PBX1: variants seen among roughly 807,000 people sequenced by gnomAD.
PBX1 encodes pre-B-cell leukemia transcription factor 1.
In PBX1, 6 loss-of-function variants were observed where a neutral mutation model predicts 53.4. The observed-to-expected ratio is 0.11, with a 90% CI of 0.06 to 0.22. The LOEUF (loss-of-function observed/expected upper bound fraction) is 0.22. Among genes scored for constraint, PBX1 ranks in the 10% least tolerant of loss-of-function variants. PBX1 has a pLI of 1.00. For missense variants in PBX1, 251 were observed against 551.4 expected (o/e 0.46, Z 5.46); for synonymous variants, 204 against 212.3 (o/e 0.96, Z 0.34).
intron 2 of PBX1, among the ~76,000 whole-genome samples, chr1:164,702,762 C>T (rs1346375427): frequency 1.3e-5 from 2 of 152,120 alleles, no homozygotes; most frequent in African/African-American, 4.8e-5. Flanking sequence ...CCAGGACCGT[C>T]CCTTCAGGTC....
intron 4 of PBX1, among the ~76,000 whole-genome samples, chr1:164,806,089 T>C (rs957318714): frequency 6.6e-6 from 1 of 152,182 alleles, no homozygotes; most frequent in African/African-American, 2.4e-5. Flanking sequence ...AAGGAAAAGC[T>C]TTTAATAAAA....
intron 8 of PBX1, among the ~76,000 whole-genome samples, chr1:164,836,294 A>G (rs1671035901): frequency 6.6e-6 from 1 of 152,174 alleles, no homozygotes; most frequent in Non-Finnish European, 1.5e-5. Context: ...AGCAGCACAC[A>G]TAAAGAAAGG....
intron 2 of PBX1, among the ~76,000 whole-genome samples, chr1:164,783,438 G>T (rs1191570615): frequency 6.6e-6 from 1 of 151,992 alleles, no homozygotes; most frequent in East Asian, 1.9e-4. Flanking sequence ...GTATATTCTT[G>T]GCTTATCCTG....
At chr1:164,743,961 C>G (rs1013699973) in intron 2 of PBX1, among the ~76,000 whole-genome samples, 1 of 152,150 alleles carries the variant, frequency 6.6e-6, no homozygotes, top group Non-Finnish European at 1.5e-5. Flanking sequence ...CTTGAATAAA[C>G]TGGAGTTCTG....
At chr1:164,862,676 A>G (rs1162872705) in intron 2 of PBX1, among the ~76,000 whole-genome samples, 4 of 152,024 alleles carry the variant, frequency 2.6e-5, no homozygotes, top group Admixed American at 6.6e-5. Flanking sequence ...ACACTGTTTA[A>G]TGTGTCATAG....
At chr1:164,692,825 G>T (rs530383469) in intron 2 of PBX1, among the ~76,000 whole-genome samples, 1 of 152,096 alleles carries the variant, frequency 6.6e-6, no homozygotes, top group Non-Finnish European at 1.5e-5. Context: ...CTTCACAGTC[G>T]CCCTTTAAAT....
At chr1:164,774,374 A>T (rs1179708784) in intron 2 of PBX1, 1 of 152,192 alleles carries the variant, frequency 6.6e-6, no homozygotes, top group Non-Finnish European at 1.5e-5. Context: ...GGAAACCCCC[A>T]TCTGGTTGGT....
chr1:164,805,153 T>C (rs1669285328), intron 4 of PBX1, among the ~76,000 whole-genome samples: 1 of 152,220 alleles, frequency 6.6e-6, no homozygotes, highest in African/African-American at 2.4e-5. Context: ...TAATATTTTA[T>C]CAGCTTCCAA....
At chr1:164,594,607 A>G (rs562473449) in intron 2 of PBX1, among the ~76,000 whole-genome samples, 19 of 152,382 alleles carry the variant, frequency 1.2e-4, no homozygotes, top group Admixed American at 1.2e-3. Flanking sequence ...AAATTTAAGT[A>G]GAAAATTTAA....
At chr1:164,764,699 C>T (rs773460423) in intron 2 of PBX1, among the ~76,000 whole-genome samples, 10 of 152,004 alleles carry the variant, frequency 6.6e-5, no homozygotes, top group Non-Finnish European at 1.2e-4. Flanking sequence ...AGTTATAGCC[C>T]ACCTACATGG....
chr1:164,864,435 T>G (rs1672169770), intron 2 of PBX1, among the ~76,000 whole-genome samples: 1 of 152,212 alleles, frequency 6.6e-6, no homozygotes, highest in African/African-American at 2.4e-5. Context: ...ACTGTGGCGC[T>G]CCAGGCTGCT....
chr1:164,856,206 C>T (rs1671971789), downstream of PBX1, among the ~76,000 whole-genome samples: 1 of 152,176 alleles, frequency 6.6e-6, no homozygotes, highest in South Asian at 2.1e-4. Flanking sequence ...AGCCTCCCTT[C>T]CTTCTGCCTT....
chr1:164,730,617 C>G (rs1221663817), intron 2 of PBX1, among the ~76,000 whole-genome samples: 1 of 152,166 alleles, frequency 6.6e-6, no homozygotes, highest in Non-Finnish European at 1.5e-5. Flanking sequence ...ATCTATGGCT[C>G]TCTCTGTTCT....
chr1:164,645,091 G>A (rs898805678), intron 2 of PBX1, among the ~76,000 whole-genome samples: 6 of 152,136 alleles, frequency 3.9e-5, no homozygotes, highest in African/African-American at 1.4e-4. Context: ...ATAAAGGAGT[G>A]GGAGGACTCT....
At chr1:164,804,886 G>T (rs1404390588) in intron 4 of PBX1, among the ~76,000 whole-genome samples, 5 of 152,158 alleles carry the variant, frequency 3.3e-5, no homozygotes, top group African/African-American at 9.7e-5. Context: ...GACTAACAAG[G>T]AAAATGGAGC....
chr1:164,635,959 G>GACT (rs1658748144), intron 2 of PBX1, among the ~76,000 whole-genome samples: 1 of 152,092 alleles, frequency 6.6e-6, no homozygotes, highest in African/African-American at 2.4e-5. Flanking sequence ...TTGGCTTCCT[G>GACT]TGCTGGATCA....
intron 2 of PBX1, chr1:164,772,811 A>C (rs955649628): frequency 6.6e-6 from 1 of 152,278 alleles, no homozygotes; most frequent in South Asian, 2.1e-4. Flanking sequence ...CTTAGCATTT[A>C]GGCTACCCTG....
chr1:164,627,886 C>T (rs1031671178), intron 2 of PBX1, among the ~76,000 whole-genome samples: 1 of 152,164 alleles, frequency 6.6e-6, no homozygotes, highest in Non-Finnish European at 1.5e-5. Context: ...AAGAAGGCCC[C>T]TGAATTTACC....
chr1:164,573,174 A>G (rs57926954), intron 2 of PBX1, among the ~76,000 whole-genome samples: 20,348 of 152,104 alleles, frequency 0.13, 1,977 homozygotes, highest in East Asian at 0.52. Context: ...TAACCCAAAT[A>G]TATCTAAAAA....
Sources: allele counts gnomAD v4.1 joint callset (sites outside exome capture counted in the v4.1 genomes callset), GRCh38; gene constraint gnomAD v4.1.1; transcripts MANE v1.5; gene names NCBI Gene and HGNC (gene_info 2026-07-23, HGNC 2026-07-21).